EXOSC7: variants seen among roughly 807,000 people sequenced by gnomAD.
The protein encoded by EXOSC7 is exosome component 7, also known as exosome complex component RRP42.
Under a neutral mutation model 34.3 loss-of-function variants are expected in EXOSC7, and 25 were observed. The ratio of observed to expected loss-of-function variants is 0.73; its 90% CI spans 0.53 to 1.02. The LOEUF is 1.02. EXOSC7 is among the 50% of genes least tolerant of loss of function. The pLI, the probability that EXOSC7 is intolerant of heterozygous loss-of-function variation, is 0.00. For missense variants in EXOSC7, 370 were observed against 368.5 expected (o/e 1.00, Z -0.03); for synonymous variants, 130 against 143.0 (o/e 0.91, Z 0.65).
intron 4 of EXOSC7, among the ~76,000 whole-genome samples, chr3:44,999,919 T>C (rs541844125): frequency 6.6e-6 from 1 of 152,318 alleles, no homozygotes; most frequent in African/African-American, 2.4e-5. Flanking sequence ...TAATTTCTTT[T>C]TACCAACTGG....
intron 1 of EXOSC7, among the ~76,000 whole-genome samples, chr3:44,988,108 A>G (rs113136292): frequency 1.3e-5 from 2 of 152,222 alleles, no homozygotes; most frequent in Non-Finnish European, 2.9e-5. Flanking sequence ...CCATTCCCCA[A>G]TAAAAGCAAC....
chr3:44,999,001 GA>G (rs549972869), intron 4 of EXOSC7, among the ~76,000 whole-genome samples: 127 of 152,298 alleles, frequency 8.3e-4, no homozygotes, highest in African/African-American at 2.7e-3. Context: ...AGAAAGTTAA[GA>G]CACAAGTGTG....
intron 3 of EXOSC7, 28 bp downstream of exon 3, chr3:44,989,672 A>G (rs762059901): frequency 6.6e-7 from 1 of 1,513,092 alleles, no homozygotes; most frequent in East Asian, 2.3e-5. Context: ...AGATATTTCT[A>G]AAGATAAATG....
intron 3 of EXOSC7, among the ~76,000 whole-genome samples, chr3:44,995,646 C>T (rs1706700415): frequency 6.6e-6 from 1 of 152,206 alleles, no homozygotes; most frequent in Non-Finnish European, 1.5e-5. Context: ...TTTCTTGGCT[C>T]AGTGCCTGAG....
At chr3:44,990,522 A>G (rs1706540501) in intron 3 of EXOSC7, among the ~76,000 whole-genome samples, 1 of 152,110 alleles carries the variant, frequency 6.6e-6, no homozygotes, top group South Asian at 2.1e-4. Context: ...GGGTGTAGGT[A>G]TATAATGTTG....
intron 1 of EXOSC7, among the ~76,000 whole-genome samples, chr3:44,986,540 C>T (rs1706421415): frequency 6.6e-6 from 1 of 152,250 alleles, no homozygotes; most frequent in South Asian, 2.1e-4. Context: ...CAGAAAGGGG[C>T]TCCCGCAGTG....
chr3:44,987,121 A>G (rs909216233), intron 1 of EXOSC7, among the ~76,000 whole-genome samples: 13 of 151,942 alleles, frequency 8.6e-5, no homozygotes, highest in African/African-American at 3.1e-4. Context: ...AAGAGTATCT[A>G]TAGTATTCCA....
intron 3 of EXOSC7, among the ~76,000 whole-genome samples, chr3:44,993,172 A>G (rs968169090): frequency 6.6e-6 from 1 of 152,206 alleles, no homozygotes; most frequent in African/African-American, 2.4e-5. Flanking sequence ...AGCTGATGAG[A>G]TAACTCTCGC....
At chr3:44,989,486 AG>A (rs2125965204) in intron 2 of EXOSC7, 63 bp from the exon 3 acceptor site, 1 of 1,283,750 alleles carries the variant, frequency 7.8e-7, no homozygotes, top group African/African-American at 1.5e-5. Context: ...CCAGAAGAGG[AG>A]GGAGGTGGTG....
chr3:45,001,180 G>A (rs1386920235), intron 4 of EXOSC7, among the ~76,000 whole-genome samples: 1 of 152,074 alleles, frequency 6.6e-6, no homozygotes, highest in Non-Finnish European at 1.5e-5. Context: ...CTGGCCGGGC[G>A]TGGTGGCTCA....
intron 4 of EXOSC7, among the ~76,000 whole-genome samples, chr3:45,000,432 C>T (rs1160547323): frequency 2.0e-5 from 3 of 152,230 alleles, no homozygotes; most frequent in Non-Finnish European, 4.4e-5. Flanking sequence ...TGTGACTTCT[C>T]ACCTTTCTTA....
chr3:45,011,745 G>C (rs147093179), downstream of EXOSC7, among the ~76,000 whole-genome samples: 239 of 152,306 alleles, frequency 1.6e-3, no homozygotes, highest in Middle Eastern at 0.014. Context: ...TTCTGGGAGA[G>C]GAAAAAAGAG....
chr3:44,980,878 A>G (rs1446392558), intron 1 of EXOSC7, among the ~76,000 whole-genome samples: 1 of 152,218 alleles, frequency 6.6e-6, no homozygotes, highest in Non-Finnish European at 1.5e-5. Context: ...TCTTACTAGT[A>G]TCATAAACGA....
At chr3:44,981,775 G>A (rs1055653359) in intron 1 of EXOSC7, among the ~76,000 whole-genome samples, 6 of 152,174 alleles carry the variant, frequency 3.9e-5, no homozygotes, top group Admixed American at 1.3e-4. Context: ...GTGTGTGGTG[G>A]TGTGTGCCTG....
intron 5 of EXOSC7, chr3:45,004,210 C>T (rs1040820482): frequency 1.3e-5 from 2 of 151,986 alleles, no homozygotes; most frequent in Non-Finnish European, 2.9e-5. Context: ...AACACTTCCA[C>T]CAGCAGTGTA....
intron 3 of EXOSC7, among the ~76,000 whole-genome samples, chr3:44,993,940 C>G (rs1296652925): frequency 6.6e-6 from 1 of 152,102 alleles, no homozygotes; most frequent in Non-Finnish European, 1.5e-5. Flanking sequence ...ATTCATTTCC[C>G]TGAGGCAAAA....
intron 1 of EXOSC7, among the ~76,000 whole-genome samples, chr3:44,986,980 G>A (rs1455345075): frequency 6.6e-6 from 1 of 151,568 alleles, no homozygotes; most frequent in African/African-American, 2.4e-5. Flanking sequence ...ATCTGATTAA[G>A]CTAATGATTC....
rs780229614 is a variant in EXOSC7, at chr3:44,989,582, A to G, written c.192A>G (p.Ala64=). 2 of 1,614,200 alleles carry G rather than the reference A, an allele frequency of 1.2e-6. No homozygotes were observed. Among genetic ancestry groups the G allele is most frequent in the Admixed American group, 1.7e-5 (1 of 60,028 alleles). The change falls in exon 3 of 8, where the codon GCA becomes GCG. Residue 64 remains alanine, a synonymous_variant. Transcript: ENST00000265564. ...GHTDILVGVK[A]EMGTPKLEKP... ...CAGACATCTTGGTGGGAGTGAAAGC[A>G]GAAATGGGGACGCCGAAGCTGGAGA...
At chr3:45,011,747 A>G (rs968677448), downstream of EXOSC7, among the ~76,000 whole-genome samples, 1 of 152,194 alleles carries the variant, frequency 6.6e-6, no homozygotes, top group African/African-American at 2.4e-5. Flanking sequence ...CTGGGAGAGG[A>G]AAAAAGAGGA....
Sources: allele counts gnomAD v4.1 joint callset (sites outside exome capture counted in the v4.1 genomes callset), GRCh38; gene constraint gnomAD v4.1.1; transcripts MANE v1.5; gene names NCBI Gene and HGNC (gene_info 2026-07-23, HGNC 2026-07-21).